The following KANK1 variants were observed in gnomAD, a reference collection of about 807,000 sequenced individuals.
KANK1 encodes KN motif and ankyrin repeat domains 1, also known as KN motif and ankyrin repeat domain-containing protein 1.
KANK1 carries 109 observed loss-of-function variants against 106.2 expected under a neutral mutation model. That is an observed-to-expected ratio of 1.03 (90% confidence interval 0.88 to 1.20). The LOEUF (loss-of-function observed/expected upper bound fraction) is 1.20, where lower values mean the gene tolerates loss of function less well. KANK1 is among the 50% of genes most tolerant of loss of function. The pLI is 0.00. For missense variants in KANK1, 2,399 were observed against 1,710.7 expected, an observed-to-expected ratio of 1.40 and a Z score of -7.10; for synonymous variants, 873 against 652.2, an observed-to-expected ratio of 1.34 and a Z score of -5.16.
rs143634858 is a variant in KANK1 at position 636,520 on chromosome 9, C to T, written c.-83-40370C>T. Reference sequence around the variant, plus strand: ...CTCAGTCAGTTCCCATCAACAGAGTCCGAAACGTTGTCCACTTCATAACTT... The same window carrying T: ...CTCAGTCAGTTCCCATCAACAGAGTTCGAAACGTTGTCCACTTCATAACTT... On this transcript the variant is annotated intron_variant, in intron 1 of 11. Transcript: ENST00000382297. Among the ~76,000 whole-genome samples the T allele has an allele frequency of 2.6e-4, 40 of 152,256 alleles. No homozygotes were observed. In the East Asian group the frequency reaches 7.7e-3, roughly 29 times the overall value.
intron 1 of KANK1, among the ~76,000 whole-genome samples, chr9:568,698 G>C (rs1818427331): frequency 6.6e-6 from 1 of 152,046 alleles, no homozygotes; most frequent in Non-Finnish European, 1.5e-5. Context: ...TCAATATGTT[G>C]CCCAGGCTGA....
chr9:627,448 T>G (rs1345537996), intron 1 of KANK1, among the ~76,000 whole-genome samples: 1 of 152,154 alleles, frequency 6.6e-6, no homozygotes, highest in Non-Finnish European at 1.5e-5. Flanking sequence ...AGGACCTTTT[T>G]CTCTTATCTC....
intron 1 of KANK1, among the ~76,000 whole-genome samples, chr9:603,693 C>T (rs571605168): frequency 1.3e-5 from 2 of 151,838 alleles, no homozygotes; most frequent in South Asian, 4.2e-4. Context: ...GGTGGCTTTA[C>T]ACCTGTAATC....
intron 1 of KANK1, among the ~76,000 whole-genome samples, chr9:626,416 G>A (rs941139343): frequency 1.3e-5 from 2 of 152,014 alleles, no homozygotes; most frequent in Non-Finnish European, 2.9e-5. Context: ...GTGACAGAGC[G>A]AGACTCCATC....
chr9:585,943 A>T (rs781654386), intron 1 of KANK1, among the ~76,000 whole-genome samples: 6 of 152,216 alleles, frequency 3.9e-5, no homozygotes, highest in Admixed American at 1.3e-4. Context: ...AGAGAAAATC[A>T]TTATCACTAG....
intron 1 of KANK1, among the ~76,000 whole-genome samples, chr9:510,041 G>C (rs1039516258): frequency 1.1e-4 from 17 of 151,480 alleles, no homozygotes; most frequent in African/African-American, 4.1e-4. Flanking sequence ...CAAACTCCTG[G>C]CCTCAAACAA....
At chr9:678,892 G>C (rs918538620) in intron 2 of KANK1, among the ~76,000 whole-genome samples, 2 of 152,052 alleles carry the variant, frequency 1.3e-5, no homozygotes, top group Non-Finnish European at 2.9e-5. Flanking sequence ...ACATGCTCAG[G>C]GGAAGGGGTG....
chr9:732,132 C>A, intron 5 of KANK1: 1 of 366,942 alleles, frequency 2.7e-6, no homozygotes. Context: ...CCGGAGATGC[C>A]ATTATTTTCT....
intron 1 of KANK1, among the ~76,000 whole-genome samples, chr9:527,897 A>C (rs2059869674): frequency 6.7e-6 from 1 of 148,540 alleles, no homozygotes. Flanking sequence ...GCCTGTAATC[A>C]CAGCACTCCT....
At position 708,213 on chromosome 9, in the gene KANK1, T is replaced by G. The variant is rs1443698884; in HGVS notation, c.38-2591T>G. The stretch of plus-strand genomic sequence containing the variant: ...CAGCTTCTCTCCTGTTAATGGAATT[T>G]CAGACAGTCCTGGAGACAGGTCTGG... On this transcript the variant is annotated intron_variant, in intron 2 of 11. Transcript: ENST00000382297. Among the ~76,000 whole-genome samples, 7 of 131,112 alleles carry G rather than the reference T, an allele frequency of 5.3e-5. No individual in the cohort carries two copies. The Admixed American group carries it at 5.4e-4, about 10-fold the overall frequency. 86.0% of individuals were successfully genotyped at this position (131,112 alleles called of 152,430 possible). A position where few individuals can be genotyped will look rare whatever the true frequency, so the allele number is the denominator to read the frequency against.
intron 1 of KANK1, among the ~76,000 whole-genome samples, chr9:577,177 C>T (rs1010431901): frequency 2.6e-5 from 4 of 152,192 alleles, no homozygotes; most frequent in African/African-American, 4.8e-5. Context: ...GGAACCCAAG[C>T]GGGTTGCCTC....
chr9:584,657 T>C (rs543418387), intron 1 of KANK1, among the ~76,000 whole-genome samples: 1 of 152,336 alleles, frequency 6.6e-6, no homozygotes, highest in African/African-American at 2.4e-5. Flanking sequence ...TGAATAGTTC[T>C]GTAAGATTTG....
chr9:642,305 A>G (rs1345922667), intron 1 of KANK1, among the ~76,000 whole-genome samples: 1 of 150,964 alleles, frequency 6.6e-6, no homozygotes, highest in Non-Finnish European at 1.5e-5. Flanking sequence ...TGTTTTACAA[A>G]GATAGCGGAA....
At chr9:656,325 A>C (rs1248856159) in intron 1 of KANK1, among the ~76,000 whole-genome samples, 1 of 152,166 alleles carries the variant, frequency 6.6e-6, no homozygotes, top group Non-Finnish European at 1.5e-5. Flanking sequence ...CGTCTGTGGA[A>C]TCTGTTTCCC....
chr9:646,048 C>T (rs1272353957), intron 1 of KANK1, among the ~76,000 whole-genome samples: 2 of 150,872 alleles, frequency 1.3e-5, no homozygotes, highest in Non-Finnish European at 2.9e-5. Context: ...CTGATAGTTT[C>T]AGGGCAGGGT....
intron 1 of KANK1, among the ~76,000 whole-genome samples, chr9:653,602 T>C (rs1442916497): frequency 6.6e-6 from 1 of 152,122 alleles, no homozygotes; most frequent in Non-Finnish European, 1.5e-5. Context: ...CACAAAACTT[T>C]GCATTTGATT....
chr9:666,620 T>C (rs1227608138), intron 1 of KANK1, among the ~76,000 whole-genome samples: 1 of 152,176 alleles, frequency 6.6e-6, no homozygotes, highest in Non-Finnish European at 1.5e-5. Flanking sequence ...ATGTTTCCTC[T>C]GTACCCGGTT....
chr9:534,441 C>T (rs1200598969), intron 1 of KANK1, among the ~76,000 whole-genome samples: 2 of 152,090 alleles, frequency 1.3e-5, no homozygotes, highest in African/African-American at 2.4e-5. Flanking sequence ...TTCAGCAGGA[C>T]CTAAGGAGAT....
At chr9:736,202 C>G (rs995748601) in intron 7 of KANK1, among the ~76,000 whole-genome samples, 4 of 152,192 alleles carry the variant, frequency 2.6e-5, no homozygotes, top group Admixed American at 6.5e-5. Flanking sequence ...TCGTGGTCCG[C>G]CCATCTTGGC....
Sources: allele counts gnomAD v4.1 joint callset (sites outside exome capture counted in the v4.1 genomes callset), GRCh38; gene constraint gnomAD v4.1.1; transcripts MANE v1.5; gene names NCBI Gene and HGNC (gene_info 2026-07-23, HGNC 2026-07-21).